Variants in CHADL observed in about 807,000 individuals in gnomAD.
CHADL encodes the protein chondroadherin like.
Under a neutral mutation model 52.1 loss-of-function variants are expected in CHADL, and 48 were observed. The ratio of observed to expected loss-of-function variants is 0.92; its 90% confidence interval spans 0.73 to 1.17. CHADL has a LOEUF of 1.17. Ranked by LOEUF, CHADL falls within the 50% of genes most tolerant of loss-of-function variation. The probability of loss-of-function intolerance (pLI) is 0.00; values close to 1 mark genes in which losing one functional copy is unlikely to be tolerated. For synonymous variants in CHADL, 498 were observed against 511.2 expected (o/e 0.97, Z 0.35); for missense variants, 977 against 1,035.1 (o/e 0.94, Z 0.77).
At chr22:41,231,792 G>A (rs758681559) in intron 5 of CHADL, among the ~76,000 whole-genome samples, 13 of 152,160 alleles carry the variant, frequency 8.5e-5, no homozygotes, top group Non-Finnish European at 1.8e-4. Flanking sequence ...GGGGCTCCTG[G>A]TACAGGTGAG....
Position 41,238,682 on chromosome 22 carries a change from C to T in CHADL, c.390G>A (p.Leu130=). The part of the protein sequence containing the change: ...NHLRELPQEA[L]DGLGSLRRLE... Reference sequence around the variant, plus strand: ...GCCGCCGCAACGAGCCCAGCCCGTCCAGCGCCTCCTGGGGCAGCTCACGCA... The same window carrying T: ...GCCGCCGCAACGAGCCCAGCCCGTCTAGCGCCTCCTGGGGCAGCTCACGCA... The change falls in exon 3 of 6, where the codon CTG becomes CTA. Residue 130 remains leucine (L), a synonymous_variant. Transcript: ENST00000216241. The surrounding 1 kb of genome is among the most constrained non-coding windows in gnomAD (Gnocchi z 4.9). The T allele has an allele frequency of 6.5e-7, 1 of 1,545,864 alleles. No homozygotes were observed. The highest frequency in any genetic ancestry group is 1.2e-5 in the South Asian group (1 of 83,954).
Position 41,238,536 on chromosome 22 carries a change from T to C in CHADL, c.536A>G (p.Gln179Arg), listed in dbSNP as rs901095715. The C allele has an allele frequency of 6.5e-7, 1 of 1,545,230 alleles. No individual in the cohort carries two copies. The highest frequency in any genetic ancestry group is 2.0e-5 in the Admixed American group (1 of 50,946). Residue 179 changes from glutamine (Q) to arginine (R), a missense_variant, in exon 3 of 6, where the codon CAG becomes CGG. Physicochemically the swap from Gln to Arg is conservative, Grantham distance 43. Transcript: ENST00000216241. The surrounding 1 kb of genome is among the most constrained non-coding windows in gnomAD (Gnocchi z 4.9). ...CAGCCAGCGGACGCGCAGTAGCCCCTGGAAGGCCATGGCGGGCAGGTAAAC... is the reference window on the plus strand; with the variant it reads ...CAGCCAGCGGACGCGCAGTAGCCCCCGGAAGGCCATGGCGGGCAGGTAAAC... ...ALVYLPAMAFQGLLRVRWLRL... is the reference protein window; with the variant it reads ...ALVYLPAMAFRGLLRVRWLRL...
chr22:41,240,876 C>G lies in CHADL; in HGVS notation c.6G>C (p.Glu2Asp). The change falls in exon 1 of 6, where the codon GAG becomes GAC. Residue 2 changes from glutamate to aspartate, a missense_variant and splice_region_variant. Coordinates refer to ENST00000216241, the MANE Select transcript of CHADL (RefSeq NM_138481.2). ...CACCATCGGGCCCAAAGACTCACCCCTCCATGCCGCCTGGAACTGCTGGTC... is the reference window on the plus strand; with the variant it reads ...CACCATCGGGCCCAAAGACTCACCCGTCCATGCCGCCTGGAACTGCTGGTC... M[E>D]GPRSSTHVPL... 6.4e-7 allele frequency: 1 copy of G among 1,550,636 alleles called. No homozygotes were observed. The highest frequency in any genetic ancestry group is 1.2e-5 in the South Asian group (1 of 83,938).
Position 41,235,244 on chromosome 22 carries a change from G to A in CHADL, c.2163C>T (p.Asp721=), listed in dbSNP as rs1187404771. Residue 721 remains aspartate (D), a synonymous_variant, in exon 5 of 6, where the codon GAC becomes GAT. Coordinates refer to ENST00000216241, the MANE Select transcript of CHADL (RefSeq NM_138481.2). ...RVKAAAAVFE[D]CPGWAARKAK... ...CCTTTCTGGCAGCCCAGCCCGGGCA[G>A]TCTTCAAAGACAGCAGCTGCAGCCT... 1 of 1,551,428 alleles carries A rather than the reference G, an allele frequency of 6.4e-7. No homozygotes were observed. The highest frequency in any genetic ancestry group is 2.4e-5 in the East Asian group (1 of 40,916).
chr22:41,237,603 G>C lies in CHADL; in HGVS notation c.1469C>G (p.Ala490Gly). ...LSDNQLAGLS[A>G]AALEGAPRLG... Reference sequence around the variant, plus strand: ...GCGGGGAGCCCCTTCAAGGGCAGCAGCGCTGAGGCCTGCGAGCTGGTTGTC... The same window carrying C: ...GCGGGGAGCCCCTTCAAGGGCAGCACCGCTGAGGCCTGCGAGCTGGTTGTC... The change falls in exon 3 of 6, where the codon GCT (alanine) becomes GGT (glycine). Residue 490 changes from alanine (A) to glycine (G), a missense_variant. Ala to Gly is a moderately conservative substitution (Grantham distance 60). Coordinates refer to ENST00000216241, the MANE Select transcript of CHADL (RefSeq NM_138481.2). The C allele has an allele frequency of 6.4e-7, 1 of 1,550,510 alleles. No homozygotes were observed. Among genetic ancestry groups the C allele is most frequent in the Non-Finnish European group, 8.7e-7 (1 of 1,146,904 alleles).
At position 41,238,524 on chromosome 22, in the gene CHADL, C is replaced by T. The variant is rs767053625; in HGVS notation, c.548G>A (p.Arg183His). ...LPAMAFQGLL[R>H]VRWLRLSHNA... ...GTGCGACAGCCGCAGCCAGCGGACG[C>T]GCAGTAGCCCCTGGAAGGCCATGGC... is the stretch of plus-strand genomic sequence containing the variant. Residue 183 changes from arginine (R) to histidine (H), a missense_variant, in exon 3 of 6, where the codon CGC becomes CAC. Coordinates refer to ENST00000216241, the MANE Select transcript of CHADL (RefSeq NM_138481.2). This position sits in a 1 kb window ranked among gnomAD's most constrained non-coding sequence, Gnocchi z 4.9. 9.7e-6 allele frequency: 15 copies of T among 1,544,064 alleles called. No homozygotes were observed. The highest frequency in any genetic ancestry group is 1.3e-5 in the Non-Finnish European group (15 of 1,145,664).
chr22:41,237,798 C>CT lies in CHADL; in HGVS notation c.1273dup (p.Ser425LysfsTer70). 1 of 1,436,154 alleles carries CT rather than the reference C, an allele frequency of 7.0e-7. No individual in the cohort carries two copies. Among genetic ancestry groups the CT allele is most frequent in the Non-Finnish European group, 9.2e-7 (1 of 1,084,706 alleles). The allele number at this position is 1,436,154 out of a possible 1,614,324, so 89.0% of individuals were successfully genotyped here. A position where few individuals can be genotyped will look rare whatever the true frequency, so the allele number is the denominator to read the frequency against. On this transcript the variant is annotated frameshift_variant, in exon 3 of 6. Transcript: ENST00000216241. LOFTEE classifies it high-confidence loss of function. Reference sequence around the variant, plus strand: ...CCTCAGGTCCAGGAGCTGGGTGTCGCTGGGGAAGCCGCGGGGCACCGCCTG... The same window carrying CT: ...CCTCAGGTCCAGGAGCTGGGTGTCGCTTGGGGAAGCCGCGGGGCACCGCCTG...
chr22:41,238,077 G>C lies in CHADL; in HGVS notation c.995C>G (p.Ser332Trp). The C allele has an allele frequency of 7.8e-7, 1 of 1,283,356 alleles. No individual in the cohort carries two copies. Among genetic ancestry groups the C allele is most frequent in the Non-Finnish European group, 9.8e-7 (1 of 1,024,172 alleles). The allele number at this position is 1,283,356 out of a possible 1,614,324, so 79.5% of individuals were successfully genotyped here. ...CCGCGGCCCCTGGCACGCGCCGTCC[G>C]AGCGCACGCGCGCCCGCGCCAGCCA... ...LEWLARARVR[S>W]DGACQGPRRL... Residue 332 changes from serine to tryptophan, a missense_variant, in exon 3 of 6, where the codon TCG (serine) becomes TGG (tryptophan). By Grantham distance (177) the Ser-to-Trp change is radical (BLOSUM62 -3). Transcript: ENST00000216241. The surrounding 1 kb of genome is among the most constrained non-coding windows in gnomAD (Gnocchi z 4.9).
intron 3 of CHADL, 111 bp downstream of exon 3, chr22:41,237,065 C>G: frequency 1.7e-6 from 2 of 1,188,582 alleles, no homozygotes; most frequent in Non-Finnish European, 2.3e-6. Context: ...TCCCCGTGCC[C>G]AGGCTGAGAC....
chr22:41,235,086 G>A (rs2032713500), intron 5 of CHADL, 59 bp downstream of exon 5: 3 of 1,512,192 alleles, frequency 2.0e-6, no homozygotes, highest in Non-Finnish European at 2.7e-6. Flanking sequence ...GCTTCCTGGG[G>A]ACTTTGGAAC....
At chr22:41,240,327 G>A (rs1223741798) in intron 1 of CHADL, among the ~76,000 whole-genome samples, 2 of 152,192 alleles carry the variant, frequency 1.3e-5, no homozygotes, top group African/African-American at 4.8e-5. Flanking sequence ...CTGGCCTCAA[G>A]TGATTGTCCC....
intron 5 of CHADL, among the ~76,000 whole-genome samples, chr22:41,232,081 C>T (rs911928797): frequency 5.3e-5 from 8 of 152,116 alleles, no homozygotes; most frequent in South Asian, 2.1e-4. Flanking sequence ...GCCTGTAATC[C>T]CAGCACTTTG....
chr22:41,237,173 C>T lies in CHADL; in HGVS notation c.1896+3G>A. On this transcript the variant is annotated splice_donor_region_variant and intron_variant, in intron 3 of 5. Transcript: ENST00000216241. ...CCAACCCCGCCAGATGCCCAGTGCCCACCTGCTCCAGGCCACTGCTGTTCA... is the reference window on the plus strand; with the variant it reads ...CCAACCCCGCCAGATGCCCAGTGCCTACCTGCTCCAGGCCACTGCTGTTCA... The T allele has an allele frequency of 2.6e-6, 4 of 1,534,648 alleles. No individual in the cohort carries two copies. Among genetic ancestry groups the T allele is most frequent in the Non-Finnish European group, 3.5e-6 (4 of 1,136,352 alleles).
Position 41,237,506 on chromosome 22 carries a change from G to T in CHADL, c.1566C>A (p.Ser522Arg). The change falls in exon 3 of 6, where the codon AGC becomes AGA. Residue 522 changes from serine to arginine, a missense_variant. Coordinates refer to ENST00000216241, the MANE Select transcript of CHADL (RefSeq NM_138481.2). ...VPGAALRALPSLFSLHLQDNA... is the reference protein window; with the variant it reads ...VPGAALRALPRLFSLHLQDNA... The stretch of plus-strand genomic sequence containing the variant: ...TGTCCTGCAGGTGCAGGGAGAAGAG[G>T]CTGGGCAGGGCGCGCAGGGCAGCCC... 1 of 1,550,490 alleles carries T rather than the reference G, an allele frequency of 6.4e-7. No individual in the cohort carries two copies. The highest frequency in any genetic ancestry group is 8.7e-7 in the Non-Finnish European group (1 of 1,146,924).
intron 5 of CHADL, 37 bp downstream of exon 5, chr22:41,235,107 AC>A: frequency 6.5e-7 from 1 of 1,543,248 alleles, no homozygotes. Context: ...CTGGCCCACC[AC>A]CCACCAAGGT....
chr22:41,240,104 C>A (rs956577205), intron 1 of CHADL, among the ~76,000 whole-genome samples: 84 of 152,136 alleles, frequency 5.5e-4, no homozygotes, highest in African/African-American at 1.9e-3. Flanking sequence ...TAAATAGAGA[C>A]AAGCCTTGCT....
At chr22:41,240,038 C>G (rs1313160137) in intron 1 of CHADL, among the ~76,000 whole-genome samples, 1 of 152,126 alleles carries the variant, frequency 6.6e-6, no homozygotes, top group Non-Finnish European at 1.5e-5. Flanking sequence ...TGGTACCCCC[C>G]AGAAAGGAGG....
rs553726232 is a variant in CHADL, at chr22:41,235,148, A to C, written c.2259T>G (p.Asp753Glu). 181 of 1,551,236 alleles carry C rather than the reference A, an allele frequency of 1.2e-4. No individual in the cohort carries two copies. The highest frequency in any genetic ancestry group is 1.6e-4 in the Admixed American group (8 of 51,010). Residue 753 changes from aspartate to glutamate, a missense_variant, in exon 5 of 6, where the codon GAT (aspartate) becomes GAG (glutamate). Physicochemically the swap from Asp to Glu is conservative, Grantham distance 45. Transcript: ENST00000216241. ...CCCCTCCTGCCCCATGGCCAACCTT[A>C]TCTGCTCCACACTGTCTTCCTTTGA... ...TPIKGRQCGA[D>E]KVGKEKGRL
chr22:41,232,060 C>T lies in CHADL; in HGVS notation c.2263-2330G>A, dbSNP rs139487. On this transcript the variant is annotated intron_variant, in intron 5 of 5. Transcript: ENST00000216241. Reference sequence around the variant, plus strand: ...TTAAATTTACACCTGTTGCCGGGCGCGGTGGCTCACGCCTGTAATCCCAGC... The same window carrying T: ...TTAAATTTACACCTGTTGCCGGGCGTGGTGGCTCACGCCTGTAATCCCAGC... 4.6e-3 allele frequency among the ~76,000 whole-genome samples: 703 copies of T among 152,168 alleles called. 5 individuals are homozygous for T. Among genetic ancestry groups the T allele is most frequent in the South Asian group, 9.3e-3 (45 of 4,824 alleles).
Sources: allele counts gnomAD v4.1 joint callset (sites outside exome capture counted in the v4.1 genomes callset), GRCh38; gene constraint gnomAD v4.1.1; non-coding constraint Gnocchi (gnomAD v3.1); transcripts MANE v1.5; gene names NCBI Gene and HGNC (gene_info 2026-07-23, HGNC 2026-07-21).